Variants in NLGN1 observed in about 807,000 individuals in gnomAD.
NLGN1 encodes the protein neuroligin-1.
A neutral mutation model predicts 65.5 loss-of-function variants in NLGN1; 12 were observed. The observed-to-expected ratio is 0.18, with a 90% CI of 0.12 to 0.30. The LOEUF is 0.30. Ranked by LOEUF, NLGN1 falls within the 10% of genes least tolerant of loss-of-function variation. The pLI, the probability that NLGN1 is intolerant of heterozygous loss-of-function variation, is 1.00. For missense variants in NLGN1, 750 were observed against 1,007.1 expected, an observed-to-expected ratio of 0.74 and a Z score of 3.46; for synonymous variants, 350 against 359.5, an observed-to-expected ratio of 0.97 and a Z score of 0.30.
At chr3:173,532,424 A>G (rs1736731451) in intron 2 of NLGN1, among the ~76,000 whole-genome samples, 1 of 152,092 alleles carries the variant, frequency 6.6e-6, no homozygotes, top group Non-Finnish European at 1.5e-5. Flanking sequence ...TTTATTTTGC[A>G]TTTTCGTATA....
At chr3:173,583,912 A>C (rs1028756890) in intron 2 of NLGN1, among the ~76,000 whole-genome samples, 2 of 152,062 alleles carry the variant, frequency 1.3e-5, no homozygotes, top group Non-Finnish European at 2.9e-5. Context: ...AAAGGAAATA[A>C]AATTTTAAAT....
At chr3:173,849,475 A>C (rs1417351116) in intron 4 of NLGN1, among the ~76,000 whole-genome samples, 1 of 122,150 alleles carries the variant, frequency 8.2e-6, no homozygotes, top group Non-Finnish European at 1.7e-5. Flanking sequence ...CCTTCATCTG[A>C]ATATAAACAT....
chr3:173,494,544 G>T (rs1729702738), intron 2 of NLGN1, among the ~76,000 whole-genome samples: 1 of 151,548 alleles, frequency 6.6e-6, no homozygotes, highest in Admixed American at 6.6e-5. Flanking sequence ...TTGATTTGAT[G>T]AAGTCTAATA....
At chr3:174,096,475 C>T (rs1020838938) in intron 4 of NLGN1, among the ~76,000 whole-genome samples, 3 of 151,812 alleles carry the variant, frequency 2.0e-5, no homozygotes, top group Non-Finnish European at 4.4e-5. Flanking sequence ...AGCATTAATT[C>T]CCTGAAAGAT....
intron 2 of NLGN1, among the ~76,000 whole-genome samples, chr3:173,518,552 A>ATG (rs903577649): frequency 3.3e-5 from 5 of 149,406 alleles, no homozygotes; most frequent in Admixed American, 6.7e-5. Context: ...GTGTGCATGC[A>ATG]TGTGTGTGTG....
At position 173,523,149 on chromosome 3, in the gene NLGN1, T is replaced by C. The variant is rs866302774; in HGVS notation, c.-320-81130T>C. 6.6e-5 allele frequency among the ~76,000 whole-genome samples: 10 copies of C among 150,464 alleles called. No individual in the cohort carries two copies. In the South Asian group the frequency reaches 2.1e-3, roughly 32 times the overall value. On this transcript the variant is annotated intron_variant, in intron 2 of 6. Transcript: ENST00000457714. ...TTTGTTTTTGTTGTTGTTATTGAGA[T>C]GTTTGAATTCCTTATAAATGCATAA...
At chr3:173,846,832 TACTC>T (rs1295449849) in intron 4 of NLGN1, among the ~76,000 whole-genome samples, 5 of 152,204 alleles carry the variant, frequency 3.3e-5, no homozygotes, top group African/African-American at 7.2e-5. Flanking sequence ...ACCAAAGTAT[TACTC>T]AGCCCTCTAT....
intron 4 of NLGN1, among the ~76,000 whole-genome samples, chr3:174,061,480 A>C (rs1015985482): frequency 4.6e-5 from 7 of 152,112 alleles, no homozygotes; most frequent in African/African-American, 1.7e-4. Flanking sequence ...GGGATAAAGC[A>C]TGTCAGCTTC....
chr3:173,756,222 G>A (rs1777097391), intron 3 of NLGN1, among the ~76,000 whole-genome samples: 4 of 151,714 alleles, frequency 2.6e-5, no homozygotes, highest in African/African-American at 7.3e-5. Context: ...ATGAATTTTA[G>A]TATAAGAGAA....
chr3:173,603,614 A>C (rs1750914957), intron 2 of NLGN1, among the ~76,000 whole-genome samples: 1 of 152,138 alleles, frequency 6.6e-6, no homozygotes, highest in Non-Finnish European at 1.5e-5. Flanking sequence ...TACAAATTGT[A>C]TCTAATGCCA....
exon 7 of NLGN1, chr3:174,283,900 A>G (rs1751828511): frequency 6.6e-6 from 1 of 151,508 alleles, no homozygotes; most frequent in Non-Finnish European, 1.5e-5. Context: ...AAACACAAGA[A>G]CAGAATAGAA....
At chr3:174,072,994 C>A (rs77688749) in intron 4 of NLGN1, among the ~76,000 whole-genome samples, 1 of 152,138 alleles carries the variant, frequency 6.6e-6, no homozygotes, top group African/African-American at 2.4e-5. Flanking sequence ...GTAAAACATG[C>A]CCTCTTGAGT....
chr3:173,864,880 G>A (rs114932780), intron 4 of NLGN1, among the ~76,000 whole-genome samples: 2,757 of 152,194 alleles, frequency 0.018, 25 homozygotes, highest in Middle Eastern at 0.034. Flanking sequence ...GGAGAGAGAT[G>A]GAAAACCTAG....
chr3:173,418,447 A>G (rs1157898855), intron 1 of NLGN1, among the ~76,000 whole-genome samples: 1 of 152,130 alleles, frequency 6.6e-6, no homozygotes, highest in Non-Finnish European at 1.5e-5. Flanking sequence ...TGCCTTCCAT[A>G]AAGGTCATAG....
At chr3:173,960,185 A>T (rs540282920) in intron 4 of NLGN1, among the ~76,000 whole-genome samples, 1 of 152,076 alleles carries the variant, frequency 6.6e-6, no homozygotes, top group African/African-American at 2.4e-5. Flanking sequence ...TCTTCTTTAC[A>T]GTGTATTCAT....
rs141489085 is a variant in NLGN1 at position 173,791,901 on chromosome 3, G to C, written c.494-15779G>C. Among the ~76,000 whole-genome samples the C allele has an allele frequency of 9.2e-3, 1,393 of 152,182 alleles. 13 individuals are homozygous for C. Among genetic ancestry groups the C allele is most frequent in the Non-Finnish European group, 0.016 (1,072 of 68,006 alleles). Reference sequence around the variant, plus strand: ...TGAGGAGTTCGATAGTCACTCAGTAGGGTCATTTCTAGCTCTAGCGTCCTA... The same window carrying C: ...TGAGGAGTTCGATAGTCACTCAGTACGGTCATTTCTAGCTCTAGCGTCCTA... On this transcript the variant is annotated intron_variant, in intron 3 of 6. Transcript: ENST00000457714.
At chr3:173,820,895 A>C (rs926524043) in intron 4 of NLGN1, among the ~76,000 whole-genome samples, 2 of 152,324 alleles carry the variant, frequency 1.3e-5, no homozygotes, top group Non-Finnish European at 2.9e-5. Flanking sequence ...ATTTGTAAAG[A>C]TAAGAAATAA....
intron 2 of NLGN1, among the ~76,000 whole-genome samples, chr3:173,512,561 G>A (rs1733152331): frequency 6.6e-6 from 1 of 152,282 alleles, no homozygotes; most frequent in Admixed American, 6.5e-5. Context: ...GGCACAGGAT[G>A]GGGACAAGGT....
chr3:173,656,125 A>T (rs1291833170), intron 3 of NLGN1, among the ~76,000 whole-genome samples: 1 of 152,142 alleles, frequency 6.6e-6, no homozygotes, highest in Admixed American at 6.6e-5. Context: ...TGTCCTATGT[A>T]AATGGAGAGG....
Sources: gnomAD v4.1 joint callset for allele counts (sites outside exome capture counted in the v4.1 genomes callset) on GRCh38, gnomAD v4.1.1 for gene constraint, MANE v1.5 for transcripts, NCBI Gene and HGNC (gene_info 2026-07-23, HGNC 2026-07-21) for gene names.